Variants in DIS3L2 observed in about 807,000 individuals in gnomAD.
DIS3L2 encodes the protein DIS3-like exonuclease 2.
Under a neutral mutation model 97.5 loss-of-function variants are expected in DIS3L2, and 34 were observed. The ratio of observed to expected loss-of-function variants is 0.35; its 90% CI spans 0.27 to 0.46. The LOEUF is 0.46. DIS3L2 is among the 20% of genes least tolerant of loss of function. The pLI is 1.00. For missense variants in DIS3L2, 1,038 were observed against 1,146.0 expected, an observed-to-expected ratio of 0.91 and a Z score of 1.36; for synonymous variants, 435 against 445.2, an observed-to-expected ratio of 0.98 and a Z score of 0.29.
intron 6 of DIS3L2, among the ~76,000 whole-genome samples, chr2:232,114,147 A>G (rs2106334715): frequency 6.6e-6 from 1 of 152,218 alleles, no homozygotes; most frequent in Middle Eastern, 3.4e-3. Context: ...TATCCTTAAA[A>G]TCTCTGATCC....
chr2:232,094,838 T>G (rs1404102903), intron 6 of DIS3L2, among the ~76,000 whole-genome samples: 1 of 152,154 alleles, frequency 6.6e-6, no homozygotes, highest in Non-Finnish European at 1.5e-5. Context: ...CACTCCGGTG[T>G]TGGGTGCATA....
intron 12 of DIS3L2, among the ~76,000 whole-genome samples, chr2:232,256,716 A>C (rs1023793874): frequency 6.6e-6 from 1 of 152,102 alleles, no homozygotes; most frequent in Non-Finnish European, 1.5e-5. Flanking sequence ...CCACATCAAA[A>C]TTTCTCTCTG....
At chr2:232,176,344 T>G (rs894487055) in intron 9 of DIS3L2, among the ~76,000 whole-genome samples, 1 of 152,150 alleles carries the variant, frequency 6.6e-6, no homozygotes, top group Non-Finnish European at 1.5e-5. Flanking sequence ...TCTCTCCCCC[T>G]CTCTCTCTGT....
chr2:232,329,785 T>TACCGGGGGGGGGCCC, intron 14 of DIS3L2, 28 bp from the exon 15 acceptor site: 1 of 967,142 alleles, frequency 1.0e-6, no homozygotes, highest in Non-Finnish European at 1.5e-6. Flanking sequence ...ACCCCAGCGG[T>TACCGGGGGGGGGCCC]CCCTCCCATC....
rs947421228 is a variant in DIS3L2, at chr2:231,972,144, C to T, written c.-94+10379C>T. On this transcript the variant is annotated intron_variant, in intron 1 of 20. Coordinates refer to ENST00000325385, the MANE Select transcript of DIS3L2 (RefSeq NM_152383.5). Reference sequence around the variant, plus strand: ...AGGTTGCAGTGAGCCGAGATCGCGCCACTGCACCCCAGCTTGGCTACAGAG... The same window carrying T: ...AGGTTGCAGTGAGCCGAGATCGCGCTACTGCACCCCAGCTTGGCTACAGAG... Among the ~76,000 whole-genome samples the T allele has an allele frequency of 9.2e-5, 14 of 151,620 alleles. No homozygotes were observed. The East Asian group carries it at 2.0e-3, about 21-fold the overall frequency.
chr2:232,040,364 G>T (rs1695076596), intron 5 of DIS3L2, among the ~76,000 whole-genome samples: 1 of 152,092 alleles, frequency 6.6e-6, no homozygotes, highest in South Asian at 2.1e-4. Context: ...CTCTTCTGAG[G>T]ATCCTGCCCT....
intron 14 of DIS3L2, among the ~76,000 whole-genome samples, chr2:232,313,216 A>G (rs896549139): frequency 6.6e-6 from 1 of 152,240 alleles, no homozygotes; most frequent in African/African-American, 2.4e-5. Flanking sequence ...GATTATGAAA[A>G]TGAAAATTTT....
At chr2:232,106,342 A>G (rs1191078627) in intron 6 of DIS3L2, among the ~76,000 whole-genome samples, 1 of 152,176 alleles carries the variant, frequency 6.6e-6, no homozygotes, top group Non-Finnish European at 1.5e-5. Flanking sequence ...CTGAATGAAA[A>G]TGGTAAATTT....
At chr2:232,155,062 C>T (rs547137921) in intron 8 of DIS3L2, among the ~76,000 whole-genome samples, 1,759 of 150,506 alleles carry the variant, frequency 0.012, 17 homozygotes, top group Non-Finnish European at 0.016. Flanking sequence ...TGCTTCGGCT[C>T]GCGCACGGTG....
At chr2:232,008,249 A>G (rs957065227) in intron 1 of DIS3L2, among the ~76,000 whole-genome samples, 1 of 150,812 alleles carries the variant, frequency 6.6e-6, no homozygotes, top group East Asian at 1.9e-4. Flanking sequence ...GCTGTTCTCA[A>G]ACTCCTGGGT....
intron 13 of DIS3L2, among the ~76,000 whole-genome samples, chr2:232,288,437 C>T (rs777533030): frequency 6.6e-5 from 10 of 152,198 alleles, no homozygotes; most frequent in Admixed American, 2.6e-4. Context: ...CACATTCACC[C>T]GTAAAACAAA....
chr2:232,200,792 T>G (rs559801605), intron 9 of DIS3L2, among the ~76,000 whole-genome samples: 9 of 150,802 alleles, frequency 6.0e-5, no homozygotes, highest in Non-Finnish European at 1.0e-4. Context: ...TTTTTTTTTT[T>G]TTTTTTTTTT....
intron 1 of DIS3L2, among the ~76,000 whole-genome samples, chr2:231,979,322 T>G (rs1019946275): frequency 1.3e-5 from 2 of 152,156 alleles, no homozygotes; most frequent in Admixed American, 1.3e-4. Context: ...TAGCATGATC[T>G]CAGCTCACTG....
chr2:232,329,721 T>A (rs1695676173), intron 14 of DIS3L2, 92 bp from the exon 15 acceptor site: 2 of 1,289,476 alleles, frequency 1.6e-6, no homozygotes, highest in Non-Finnish European at 2.1e-6. Flanking sequence ...GAAGGGTGAT[T>A]GATAGAGAGC....
chr2:232,118,186 G>A (rs1052102357), intron 6 of DIS3L2, among the ~76,000 whole-genome samples: 1 of 152,190 alleles, frequency 6.6e-6, no homozygotes, highest in African/African-American at 2.4e-5. Context: ...CACGATGGAA[G>A]TCACGGTCTT....
chr2:232,206,679 T>C (rs905404366), intron 9 of DIS3L2, among the ~76,000 whole-genome samples: 3 of 152,204 alleles, frequency 2.0e-5, no homozygotes, highest in Non-Finnish European at 4.4e-5. Flanking sequence ...GGCTTATCTT[T>C]CCAGCAAGCA....
intron 13 of DIS3L2, 84 bp from the exon 14 acceptor site, chr2:232,299,956 T>C (rs968310559): frequency 7.2e-7 from 1 of 1,384,310 alleles, no homozygotes; most frequent in African/African-American, 1.4e-5. Context: ...GTGACTTCGT[T>C]TGATTTTATT....
intron 17 of DIS3L2, 33 bp from the exon 18 acceptor site, chr2:232,334,336 C>T (rs755378626): frequency 1.9e-6 from 3 of 1,609,148 alleles, no homozygotes; most frequent in Non-Finnish European, 1.7e-6. Flanking sequence ...GCCCCCCAGG[C>T]TCCCACTCTC....
At chr2:232,308,632 C>G (rs1695043761) in intron 14 of DIS3L2, among the ~76,000 whole-genome samples, 1 of 152,170 alleles carries the variant, frequency 6.6e-6, no homozygotes, top group Non-Finnish European at 1.5e-5. Flanking sequence ...GACAGTACTC[C>G]TTGCAGCCTT....
Sources: gnomAD v4.1 joint callset for allele counts (sites outside exome capture counted in the v4.1 genomes callset) on GRCh38, gnomAD v4.1.1 for gene constraint, MANE v1.5 for transcripts, NCBI Gene and HGNC (gene_info 2026-07-23, HGNC 2026-07-21) for gene names.